The following LSAMP variants were observed in gnomAD, a reference collection of about 807,000 sequenced individuals.
LSAMP encodes limbic system associated membrane protein, also known as limbic system-associated membrane protein.
A neutral mutation model predicts 38.6 loss-of-function variants in LSAMP; 7 were observed. The observed-to-expected ratio is 0.18, with a 90% CI of 0.10 to 0.34. The LOEUF is 0.34. Among genes scored for constraint, LSAMP ranks in the 10% least tolerant of loss-of-function variants. LSAMP has a pLI of 1.00. For missense variants in LSAMP, 313 were observed against 420.0 expected (o/e 0.75, Z 2.23); for synonymous variants, 154 against 166.8 (o/e 0.92, Z 0.59).
intron 2 of LSAMP, 144 bp downstream of exon 2, chr3:116,086,180 T>C: frequency 1.4e-6 from 1 of 718,246 alleles, no homozygotes; most frequent in Non-Finnish European, 2.3e-6. Flanking sequence ...TTAAGTGTCT[T>C]TTTAGACAGA....
chr3:116,265,065 C>A (rs893146487), intron 1 of LSAMP, among the ~76,000 whole-genome samples: 1 of 151,932 alleles, frequency 6.6e-6, no homozygotes, highest in East Asian at 1.9e-4. Flanking sequence ...CAAGAATGAT[C>A]AAAAGGGACG....
At chr3:116,154,952 AT>A (rs1476641599) in intron 1 of LSAMP, among the ~76,000 whole-genome samples, 1 of 152,166 alleles carries the variant, frequency 6.6e-6, no homozygotes, top group Non-Finnish European at 1.5e-5. Flanking sequence ...AGTATATTGT[AT>A]AAAAAAGTTT....
intron 1 of LSAMP, among the ~76,000 whole-genome samples, chr3:116,355,749 A>G (rs1014502536): frequency 2.6e-5 from 4 of 152,144 alleles, no homozygotes; most frequent in Admixed American, 2.0e-4. Flanking sequence ...GAAAAAATCT[A>G]ATAATAATGG....
intron 2 of LSAMP, among the ~76,000 whole-genome samples, chr3:116,053,955 T>G (rs1941442408): frequency 6.6e-6 from 1 of 152,198 alleles, no homozygotes; most frequent in African/African-American, 2.4e-5. Context: ...ATTTCAGTTA[T>G]AGTCAATTAA....
chr3:116,130,512 G>C (rs1307378883), intron 1 of LSAMP, among the ~76,000 whole-genome samples: 1 of 152,130 alleles, frequency 6.6e-6, no homozygotes, highest in African/African-American at 2.4e-5. Flanking sequence ...TACAAATGTT[G>C]TCATTTTAAA....
At chr3:116,137,690 G>A (rs567485445) in intron 1 of LSAMP, among the ~76,000 whole-genome samples, 9 of 152,088 alleles carry the variant, frequency 5.9e-5, no homozygotes, top group Non-Finnish European at 1.0e-4. Flanking sequence ...ATTAGAGTTT[G>A]AATCAAGACA....
intron 1 of LSAMP, among the ~76,000 whole-genome samples, chr3:116,192,699 G>T (rs1339180619): frequency 6.6e-6 from 1 of 152,146 alleles, no homozygotes; most frequent in Non-Finnish European, 1.5e-5. Flanking sequence ...TCAAGTTTCT[G>T]CCCTACTCCA....
At chr3:116,214,927 C>A (rs1335269178) in intron 1 of LSAMP, among the ~76,000 whole-genome samples, 7 of 152,094 alleles carry the variant, frequency 4.6e-5, no homozygotes, top group Non-Finnish European at 8.8e-5. Context: ...TGTGACTAAA[C>A]CTATTTTAAA....
chr3:116,062,406 G>A (rs1381237537), intron 2 of LSAMP, among the ~76,000 whole-genome samples: 1 of 152,218 alleles, frequency 6.6e-6, no homozygotes, highest in Non-Finnish European at 1.5e-5. Flanking sequence ...CTACTCAGGA[G>A]GCTGAGGCAG....
chr3:116,166,274 A>T (rs1210970342), intron 1 of LSAMP, among the ~76,000 whole-genome samples: 1 of 152,244 alleles, frequency 6.6e-6, no homozygotes, highest in Non-Finnish European at 1.5e-5. Flanking sequence ...CACAGTTCTA[A>T]GTGCTTTGCA....
intron 1 of LSAMP, among the ~76,000 whole-genome samples, chr3:116,336,066 A>G (rs2047916499): frequency 6.6e-6 from 1 of 152,070 alleles, no homozygotes. Flanking sequence ...TCACATGCAA[A>G]AGAATGAAAT....
chr3:116,101,713 A>T (rs951433548), intron 1 of LSAMP, among the ~76,000 whole-genome samples: 1 of 152,322 alleles, frequency 6.6e-6, no homozygotes, highest in East Asian at 1.9e-4. Flanking sequence ...GTAAATTAAA[A>T]AATAAATACA....
At chr3:116,349,517 TCACA>T (rs57435910) in intron 1 of LSAMP, among the ~76,000 whole-genome samples, 7 of 147,402 alleles carry the variant, frequency 4.7e-5, no homozygotes, top group South Asian at 2.1e-4. Flanking sequence ...TCTCTCTCTC[TCACA>T]CACACACACA....
chr3:116,288,435 T>C (rs2047220298), intron 1 of LSAMP, among the ~76,000 whole-genome samples: 2 of 152,318 alleles, frequency 1.3e-5, no homozygotes, highest in African/African-American at 2.4e-5. Context: ...TTACAAGCAA[T>C]GGATTAAAAT....
chr3:116,277,911 C>A (rs1230133446), intron 1 of LSAMP, among the ~76,000 whole-genome samples: 2 of 152,210 alleles, frequency 1.3e-5, no homozygotes, highest in African/African-American at 4.8e-5. Flanking sequence ...CTTTTAGACA[C>A]TTGCATATTA....
intron 1 of LSAMP, among the ~76,000 whole-genome samples, chr3:116,322,999 C>T (rs1175240587): frequency 1.3e-5 from 2 of 152,032 alleles, no homozygotes; most frequent in East Asian, 3.9e-4. Flanking sequence ...TGAGAAAGTG[C>T]CAATGAAAAC....
intron 1 of LSAMP, among the ~76,000 whole-genome samples, chr3:116,190,223 G>A (rs538142735): frequency 2.6e-5 from 4 of 151,880 alleles, no homozygotes; most frequent in Non-Finnish European, 4.4e-5. Context: ...CACTTGTCAC[G>A]CAAGAAACTG....
At chr3:116,392,456 C>T (rs747424116) in intron 1 of LSAMP, among the ~76,000 whole-genome samples, 3 of 152,244 alleles carry the variant, frequency 2.0e-5, no homozygotes, top group Non-Finnish European at 4.4e-5. Context: ...CACGGCAACG[C>T]TGACATGCCA....
chr3:116,426,545 T>C (rs1490863033), intron 1 of LSAMP, among the ~76,000 whole-genome samples: 1 of 149,640 alleles, frequency 6.7e-6, no homozygotes, highest in Non-Finnish European at 1.5e-5. Flanking sequence ...GGATTTGGAA[T>C]AGAATGATAG....
Sources: gnomAD v4.1 joint callset for allele counts (sites outside exome capture counted in the v4.1 genomes callset) on GRCh38, gnomAD v4.1.1 for gene constraint, MANE v1.5 for transcripts, NCBI Gene and HGNC (gene_info 2026-07-23, HGNC 2026-07-21) for gene names.